Variants in UACA observed in about 807,000 individuals in gnomAD.
UACA encodes uveal autoantigen with coiled-coil domains and ankyrin repeats.
A neutral mutation model predicts 160.5 loss-of-function variants in UACA; 112 were observed. That is an observed-to-expected ratio of 0.70 (90% CI 0.60 to 0.82). The LOEUF (loss-of-function observed/expected upper bound fraction) is 0.82. Among genes scored for constraint, UACA ranks in the 40% least tolerant of loss-of-function variants. UACA has a pLI of 0.00. For synonymous variants in UACA, 557 were observed against 568.4 expected, an observed-to-expected ratio of 0.98 and a Z score of 0.29; for missense variants, 1,574 against 1,614.6, an observed-to-expected ratio of 0.97 and a Z score of 0.43.
chr15:70,696,032 T>C (rs1466841769), intron 2 of UACA, among the ~76,000 whole-genome samples: 3 of 152,052 alleles, frequency 2.0e-5, no homozygotes, highest in South Asian at 2.1e-4. Flanking sequence ...CAAGTAGAAA[T>C]AGAACTGAGG....
At chr15:70,687,476 T>C in intron 7 of UACA, 64 bp downstream of exon 7, 1 of 1,481,718 alleles carries the variant, frequency 6.7e-7, no homozygotes, top group Non-Finnish European at 9.4e-7. Context: ...AGCTGCTGCT[T>C]TGACTTGGCC....
At chr15:70,755,550 G>A (rs1018815167) in intron 1 of UACA, among the ~76,000 whole-genome samples, 5 of 151,892 alleles carry the variant, frequency 3.3e-5, no homozygotes, top group Admixed American at 6.6e-5. Flanking sequence ...GGAGCCTGTA[G>A]TACCAGCTAC....
chr15:70,680,895 T>A (rs1897478309), intron 9 of UACA, among the ~76,000 whole-genome samples: 1 of 152,190 alleles, frequency 6.6e-6, no homozygotes, highest in African/African-American at 2.4e-5. Context: ...TGGGTACATA[T>A]CAATAGTCCT....
In UACA at chr15:70,763,472, AGACGGCAGCG is replaced by A. The variant is rs1254271425; in HGVS notation, c.-75_-66del. 2 of 1,265,308 alleles carry A rather than the reference AGACGGCAGCG, an allele frequency of 1.6e-6. No individual in the cohort carries two copies. The highest frequency in any genetic ancestry group is 8.5e-5 in the Admixed American group (2 of 23,658). The allele number at this position is 1,265,308 out of a possible 1,614,324, so 78.4% of individuals were successfully genotyped here. A position where few individuals can be genotyped will look rare whatever the true frequency, so the allele number is the denominator to read the frequency against. ...TGCGGAGTGCCAGCGCGCAAGGAGTAGACGGCAGCGGCTGCAGCAGAGGCGGCGCGGGCTG... is the reference window on the plus strand; with the variant it reads ...TGCGGAGTGCCAGCGCGCAAGGAGTAGCTGCAGCAGAGGCGGCGCGGGCTG... On this transcript the variant is annotated 5_prime_UTR_variant, in exon 1 of 19. Coordinates refer to ENST00000322954, the MANE Select transcript of UACA (RefSeq NM_018003.4).
intron 1 of UACA, among the ~76,000 whole-genome samples, chr15:70,745,643 T>C (rs1388847181): frequency 1.3e-5 from 2 of 152,126 alleles, no homozygotes; most frequent in African/African-American, 2.4e-5. Flanking sequence ...AAAAAGAGCC[T>C]GCATTGCCAA....
chr15:70,754,421 G>A lies in UACA; in HGVS notation c.78+8909C>T, dbSNP rs111511251. On this transcript the variant is annotated intron_variant, in intron 1 of 18. Transcript: ENST00000322954. ...TTCTTATAAAATAGGCTTTGTGTTA[G>A]ATGATTTTGCCCAACTGGAGGCTAA... is the stretch of plus-strand genomic sequence containing the variant. Among the ~76,000 whole-genome samples the A allele has an allele frequency of 9.8e-3, 1,488 of 152,298 alleles. 22 individuals are homozygous for A. Among genetic ancestry groups the A allele is most frequent in the African/African-American group, 0.034 (1,424 of 41,554 alleles).
At chr15:70,722,406 C>T (rs949647071) in intron 1 of UACA, among the ~76,000 whole-genome samples, 1 of 151,788 alleles carries the variant, frequency 6.6e-6, no homozygotes, top group African/African-American at 2.4e-5. Context: ...TGGCCTCGAT[C>T]ACCTAGGCTC....
chr15:70,735,560 A>G (rs1899339625), intron 1 of UACA, among the ~76,000 whole-genome samples: 1 of 152,240 alleles, frequency 6.6e-6, no homozygotes. Context: ...ATAGTCCTCC[A>G]GCTTGCTTCT....
chr15:70,703,052 T>C, intron 1 of UACA: 1 of 1,262,804 alleles, frequency 7.9e-7, no homozygotes, highest in Non-Finnish European at 1.0e-6. Flanking sequence ...CGAGCTAGAC[T>C]ATTAAAAAAA....
chr15:70,693,193 T>C (rs1898001184), intron 3 of UACA, among the ~76,000 whole-genome samples: 1 of 152,148 alleles, frequency 6.6e-6, no homozygotes, highest in African/African-American at 2.4e-5. Flanking sequence ...TTCAACAAAA[T>C]GCTACAGAAA....
chr15:70,747,221 G>A (rs1216878494), intron 1 of UACA, among the ~76,000 whole-genome samples: 1 of 149,128 alleles, frequency 6.7e-6, no homozygotes, highest in Non-Finnish European at 1.5e-5. Flanking sequence ...GTGCAGAAAC[G>A]AATGGTGTTT....
intron 10 of UACA, 61 bp downstream of exon 10, chr15:70,679,547 A>G: frequency 1.8e-6 from 2 of 1,142,356 alleles, no homozygotes; most frequent in Non-Finnish European, 2.5e-6. Flanking sequence ...TTCTCTCTCA[A>G]TCCCACTACA....
chr15:70,759,413 T>C (rs1301590681), intron 1 of UACA, among the ~76,000 whole-genome samples: 1 of 152,218 alleles, frequency 6.6e-6, no homozygotes, highest in African/African-American at 2.4e-5. Flanking sequence ...CCCAGCACTT[T>C]GGGAGGCCAA....
chr15:70,711,923 G>A (rs1022605291), intron 1 of UACA, among the ~76,000 whole-genome samples: 3 of 151,870 alleles, frequency 2.0e-5, no homozygotes, highest in Admixed American at 6.6e-5. Context: ...TTTAGGAAAC[G>A]ACAAACACAA....
chr15:70,697,830 C>T (rs949914561), intron 2 of UACA, among the ~76,000 whole-genome samples: 1 of 152,160 alleles, frequency 6.6e-6, no homozygotes, highest in African/African-American at 2.4e-5. Context: ...GTGGGCACAT[C>T]ACCAGAGGTC....
Position 70,763,512 on chromosome 15 carries a change from AGCCCCACCTG to A in UACA, c.-115_-106del, listed in dbSNP as rs1464472398. On this transcript the variant is annotated 5_prime_UTR_variant, in exon 1 of 19. Transcript: ENST00000322954. ...CAGCAGAGGCGGCGCGGGCTGTACC[AGCCCCACCTG>A]CCTGCCACCTGCGGGCCCCGGGCAG... 1 of 1,249,556 alleles carries A rather than the reference AGCCCCACCTG, an allele frequency of 8.0e-7. No homozygotes were observed. Among genetic ancestry groups the A allele is most frequent in the Non-Finnish European group, 1.0e-6 (1 of 991,510 alleles). The allele number at this position is 1,249,556 out of a possible 1,614,324, so 77.4% of individuals were successfully genotyped here.
intron 1 of UACA, chr15:70,754,167 G>A (rs1567001502): frequency 4.4e-6 from 2 of 455,944 alleles, no homozygotes; most frequent in South Asian, 1.5e-5. Context: ...TATCCTAACT[G>A]GTTGAGACAT....
chr15:70,763,621 A>C, upstream of UACA: 1 of 953,704 alleles, frequency 1.0e-6, no homozygotes, highest in Non-Finnish European at 1.4e-6. Flanking sequence ...GGGGCGTGGC[A>C]AACCGCGACC....
chr15:70,721,679 G>C (rs1292446293), intron 1 of UACA, among the ~76,000 whole-genome samples: 1 of 150,392 alleles, frequency 6.6e-6, no homozygotes, highest in African/African-American at 2.4e-5. Flanking sequence ...TATTAACCCA[G>C]CGCTTTGCAC....
Sources: gnomAD v4.1 joint callset for allele counts (sites outside exome capture counted in the v4.1 genomes callset) on GRCh38, gnomAD v4.1.1 for gene constraint, MANE v1.5 for transcripts, NCBI Gene and HGNC (gene_info 2026-07-23, HGNC 2026-07-21) for gene names.